The following CCDC148 variants were observed in gnomAD, a reference collection of about 807,000 sequenced individuals.
CCDC148 encodes the protein coiled-coil domain-containing protein 148.
Under a neutral mutation model 85.7 loss-of-function variants are expected in CCDC148, and 89 were observed. The ratio of observed to expected loss-of-function variants is 1.04; its 90% CI spans 0.87 to 1.24. CCDC148 has a LOEUF of 1.24. Among genes scored for constraint, CCDC148 ranks in the 50% most tolerant of loss-of-function variants. The probability of loss-of-function intolerance (pLI) is 0.00; values close to 1 mark genes in which losing one functional copy is unlikely to be tolerated. For missense variants in CCDC148, 692 were observed against 671.7 expected (o/e 1.03, Z -0.33); for synonymous variants, 230 against 213.9 (o/e 1.08, Z -0.66).
At chr2:158,211,869 C>T (rs1686596429) in intron 11 of CCDC148, among the ~76,000 whole-genome samples, 1 of 152,168 alleles carries the variant, frequency 6.6e-6, no homozygotes, top group Non-Finnish European at 1.5e-5. Flanking sequence ...CCATGAATTT[C>T]TTATCCTCTC....
chr2:158,174,803 T>C (rs1684494973), intron 13 of CCDC148, among the ~76,000 whole-genome samples: 1 of 152,084 alleles, frequency 6.6e-6, no homozygotes, highest in Non-Finnish European at 1.5e-5. Flanking sequence ...TGTGCTATGA[T>C]GTTAAGACAC....
At chr2:158,205,295 AGT>A (rs1463043738) in intron 11 of CCDC148, among the ~76,000 whole-genome samples, 2 of 152,140 alleles carry the variant, frequency 1.3e-5, no homozygotes, top group Non-Finnish European at 2.9e-5. Flanking sequence ...CTGATTGGGC[AGT>A]GAGTACATCC....
intron 1 of CCDC148, among the ~76,000 whole-genome samples, chr2:158,429,475 G>A (rs1237110596): frequency 1.3e-5 from 2 of 152,058 alleles, no homozygotes; most frequent in African/African-American, 2.4e-5. Context: ...AGCTAAAAAG[G>A]AATCTTAAAA....
At chr2:158,228,126 C>A (rs987835838) in intron 10 of CCDC148, among the ~76,000 whole-genome samples, 27 of 152,134 alleles carry the variant, frequency 1.8e-4, no homozygotes, top group Admixed American at 3.9e-4. Context: ...AAACAAACAA[C>A]CCCATCAAAA....
At chr2:158,372,045 A>G (rs1170560008) in intron 1 of CCDC148, among the ~76,000 whole-genome samples, 3 of 152,022 alleles carry the variant, frequency 2.0e-5, no homozygotes, top group Non-Finnish European at 4.4e-5. Flanking sequence ...AAAAGAGTTA[A>G]CCACAGCAAA....
intron 1 of CCDC148, among the ~76,000 whole-genome samples, chr2:158,413,316 A>G (rs934913219): frequency 6.6e-6 from 1 of 152,090 alleles, no homozygotes; most frequent in African/African-American, 2.4e-5. Flanking sequence ...ATCACCCCAG[A>G]GAGATTATTT....
chr2:158,328,217 T>C (rs1685581653), intron 7 of CCDC148, among the ~76,000 whole-genome samples: 1 of 152,244 alleles, frequency 6.6e-6, no homozygotes, highest in Non-Finnish European at 1.5e-5. Context: ...CCTGTGTCCA[T>C]GTGTTCTCAT....
intron 7 of CCDC148, among the ~76,000 whole-genome samples, chr2:158,334,671 A>G (rs1018313256): frequency 1.1e-4 from 16 of 151,994 alleles, no homozygotes; most frequent in African/African-American, 3.6e-4. Flanking sequence ...ATAATCTGAT[A>G]TTACCCCAGT....
At chr2:158,456,252 T>C (rs1004945513) in intron 1 of CCDC148, among the ~76,000 whole-genome samples, 163 bp downstream of exon 1, 2 of 152,216 alleles carry the variant, frequency 1.3e-5, no homozygotes, top group African/African-American at 4.8e-5. Flanking sequence ...GAAATCCTCT[T>C]TGAGTCTTTC....
At chr2:158,328,109 C>T (rs1272797405) in intron 7 of CCDC148, among the ~76,000 whole-genome samples, 1 of 151,948 alleles carries the variant, frequency 6.6e-6, no homozygotes, top group African/African-American at 2.4e-5. Flanking sequence ...TGGTGTACTG[C>T]ACCCAACAAC....
rs750933844 is a variant in CCDC148 at position 158,172,083 on chromosome 2, C to T, written c.*30G>A. 6.7e-6 allele frequency: 10 copies of T among 1,491,026 alleles called. No individual in the cohort carries two copies. The Admixed American group carries it at 1.1e-4, about 17-fold the overall frequency. 92.4% of individuals were successfully genotyped at this position (1,491,026 alleles called of 1,614,324 possible). ...ATATACATGTTTTCAAAGAAAAATGCTCTTTACATATAGAATTTGAGGATG... is the reference window on the plus strand; with the variant it reads ...ATATACATGTTTTCAAAGAAAAATGTTCTTTACATATAGAATTTGAGGATG... On this transcript the variant is annotated 3_prime_UTR_variant, in exon 14 of 14. Transcript: ENST00000283233.
Position 158,354,340 on chromosome 2 carries a change from T to C in CCDC148, c.147+4109A>G, listed in dbSNP as rs1217947490. 2.0e-5 allele frequency among the ~76,000 whole-genome samples: 3 copies of C among 150,932 alleles called. No individual in the cohort carries two copies. The East Asian group carries it at 5.8e-4, about 29-fold the overall frequency. ...ATTGATAGACCGCTAGCAAGACTAA[T>C]AAAGAAAAAAAGAGAGAAGAATCTA... is the stretch of plus-strand genomic sequence containing the variant. On this transcript the variant is annotated intron_variant, in intron 2 of 13. Coordinates refer to ENST00000283233, the MANE Select transcript of CCDC148 (RefSeq NM_138803.4).
chr2:158,294,742 T>C (rs1375174126), intron 9 of CCDC148, among the ~76,000 whole-genome samples: 1 of 150,190 alleles, frequency 6.7e-6, no homozygotes, highest in Non-Finnish European at 1.5e-5. Flanking sequence ...GAGAATTGCT[T>C]GAACCTAGGA....
chr2:158,330,636 C>T (rs1458932952), intron 7 of CCDC148, among the ~76,000 whole-genome samples: 1 of 152,082 alleles, frequency 6.6e-6, no homozygotes, highest in Admixed American at 6.6e-5. Flanking sequence ...TCCATCTGGT[C>T]CTGGACTTTT....
At chr2:158,192,803 A>C (rs981807144) in intron 11 of CCDC148, among the ~76,000 whole-genome samples, 1 of 151,890 alleles carries the variant, frequency 6.6e-6, no homozygotes, top group Non-Finnish European at 1.5e-5. Context: ...AATATTGCCC[A>C]TTAAGGATAG....
At chr2:158,253,089 G>T (rs952523975) in intron 9 of CCDC148, among the ~76,000 whole-genome samples, 1 of 151,604 alleles carries the variant, frequency 6.6e-6, no homozygotes, top group Non-Finnish European at 1.5e-5. Flanking sequence ...ATCTGACTTG[G>T]AAGCTCATAC....
chr2:158,278,698 G>A (rs552027922), intron 9 of CCDC148, among the ~76,000 whole-genome samples: 4 of 152,248 alleles, frequency 2.6e-5, no homozygotes, highest in Non-Finnish European at 5.9e-5. Context: ...TCTGGGGGCA[G>A]GGCACAGACA....
chr2:158,351,382 C>T (rs996043923), intron 2 of CCDC148, among the ~76,000 whole-genome samples: 5 of 152,322 alleles, frequency 3.3e-5, no homozygotes, highest in East Asian at 1.9e-4. Context: ...GTGGGCGCAA[C>T]GTGCGCGAGC....
chr2:158,205,731 T>C lies in CCDC148; in HGVS notation c.1370+14864A>G, dbSNP rs1383620036. ...TTTGGGAATGCCTATCCAGTCAGTTTAGTGAGTGATCTGAACAGCTAACAG... is the reference window on the plus strand; with the variant it reads ...TTTGGGAATGCCTATCCAGTCAGTTCAGTGAGTGATCTGAACAGCTAACAG... On this transcript the variant is annotated intron_variant, in intron 11 of 13. Transcript: ENST00000283233. Among the ~76,000 whole-genome samples the C allele has an allele frequency of 4.6e-5, 7 of 152,276 alleles. No individual in the cohort carries two copies. The East Asian group carries it at 1.4e-3, about 29-fold the overall frequency.
Sources: gnomAD v4.1 joint callset for allele counts (sites outside exome capture counted in the v4.1 genomes callset) on GRCh38, gnomAD v4.1.1 for gene constraint, MANE v1.5 for transcripts, NCBI Gene and HGNC (gene_info 2026-07-23, HGNC 2026-07-21) for gene names.